Variants in TESC observed in about 807,000 individuals in gnomAD.
TESC encodes the protein tescalcin.
TESC carries 19 observed loss-of-function variants against 31.0 expected under a neutral mutation model. The observed-to-expected ratio is 0.61, with a 90% confidence interval of 0.43 to 0.90. The LOEUF is 0.90. Among genes scored for constraint, TESC ranks in the 40% least tolerant of loss-of-function variants. The pLI is 0.00. For missense variants in TESC, 248 were observed against 303.8 expected (o/e 0.82, Z 1.36); for synonymous variants, 109 against 114.8 (o/e 0.95, Z 0.32).
chr12:117,058,594 G>A (rs1182332067), intron 2 of TESC, among the ~76,000 whole-genome samples: 1 of 148,086 alleles, frequency 6.8e-6, no homozygotes, highest in African/African-American at 2.6e-5. Flanking sequence ...AGCCAGCCAG[G>A]TGTGATGGCA....
At chr12:117,068,170 A>C (rs1327429407) in intron 2 of TESC, among the ~76,000 whole-genome samples, 1 of 151,962 alleles carries the variant, frequency 6.6e-6, no homozygotes, top group Non-Finnish European at 1.5e-5. Context: ...CTCAGATTAC[A>C]CGTGTGAGCT....
Position 117,042,014 on chromosome 12 carries a change from G to A in TESC, c.520-20C>T. 1 of 1,588,250 alleles carries A rather than the reference G, an allele frequency of 6.3e-7. No homozygotes were observed. The highest frequency in any genetic ancestry group is 8.6e-7 in the Non-Finnish European group (1 of 1,166,804). ...AGGCTCCTGGGGACGGAAGCACAGG[G>A]TGGACAGTGAGTGGCGCAGGTCCCC... On this transcript the variant is annotated intron_variant, in intron 6 of 7. Transcript: ENST00000335209.
intron 3 of TESC, among the ~76,000 whole-genome samples, chr12:117,051,501 C>A (rs1385056799): frequency 6.6e-6 from 1 of 152,174 alleles, no homozygotes; most frequent in Non-Finnish European, 1.5e-5. Context: ...AAGCTCCCCA[C>A]CGCTCCTGCC....
At chr12:117,092,378 G>T (rs1367981756) in intron 1 of TESC, among the ~76,000 whole-genome samples, 1 of 152,246 alleles carries the variant, frequency 6.6e-6, no homozygotes, top group Non-Finnish European at 1.5e-5. Flanking sequence ...AAAAATACCA[G>T]CATGGGCTAG....
intron 7 of TESC, among the ~76,000 whole-genome samples, chr12:117,040,500 C>T (rs935901151): frequency 2.2e-4 from 34 of 152,180 alleles, no homozygotes; most frequent in African/African-American, 7.7e-4. Context: ...ATTCATTCTA[C>T]TCAGCCTGAA....
rs551828187 is a variant in TESC, at chr12:117,040,607, C to T, written c.567+1340G>A. On this transcript the variant is annotated intron_variant, in intron 7 of 7. Transcript: ENST00000335209. ...GGCGGGCGTCACCTTCTCTGGTGAC[C>T]GGGTCCCCAGCATAGGCCAGAGTGA... 3.7e-3 allele frequency among the ~76,000 whole-genome samples: 569 copies of T among 152,178 alleles called. 3 individuals carry two copies. The highest frequency in any genetic ancestry group is 6.6e-3 in the Non-Finnish European group (451 of 67,978).
At chr12:117,095,494 G>GA (rs1207901212) in intron 1 of TESC, among the ~76,000 whole-genome samples, 1 of 152,182 alleles carries the variant, frequency 6.6e-6, no homozygotes, top group African/African-American at 2.4e-5. Context: ...CTGAAGGTGA[G>GA]AAAAAATACG....
rs554905005 is a variant in TESC, at chr12:117,081,230, C to T, written c.59-5890G>A. Among the ~76,000 whole-genome samples the T allele has an allele frequency of 2.6e-5, 4 of 152,306 alleles. No individual in the cohort carries two copies. The South Asian group carries it at 8.3e-4, about 32-fold the overall frequency. On this transcript the variant is annotated intron_variant, in intron 1 of 7. Coordinates refer to ENST00000335209, the MANE Select transcript of TESC (RefSeq NM_017899.4). ...GAGATGGGCTGAAGTGGAAACCACA[C>T]ACCAGCCTGCCAAGACTAAGTACAA...
intron 2 of TESC, among the ~76,000 whole-genome samples, chr12:117,064,427 A>G (rs951470156): frequency 2.0e-5 from 3 of 152,110 alleles, no homozygotes; most frequent in South Asian, 4.1e-4. Flanking sequence ...CCACTCCCCC[A>G]GGCAAACACC....
At chr12:117,067,401 CA>C (rs941509882) in intron 2 of TESC, among the ~76,000 whole-genome samples, 1 of 152,060 alleles carries the variant, frequency 6.6e-6, no homozygotes, top group South Asian at 2.1e-4. Context: ...CGCATCTCTA[CA>C]AAAAAATTTT....
chr12:117,086,931 A>G (rs548486700), intron 1 of TESC, among the ~76,000 whole-genome samples: 1 of 152,276 alleles, frequency 6.6e-6, no homozygotes, highest in South Asian at 2.1e-4. Flanking sequence ...CTCACCAGGG[A>G]CGCAGCAACT....
intron 6 of TESC, among the ~76,000 whole-genome samples, chr12:117,045,147 C>A (rs1954539435): frequency 6.6e-6 from 1 of 152,182 alleles, no homozygotes; most frequent in Admixed American, 6.5e-5. Flanking sequence ...TTAGGAGCAC[C>A]CGGAGGACCC....
intron 1 of TESC, 83 bp downstream of exon 1, chr12:117,099,142 G>T: frequency 7.2e-7 from 1 of 1,394,002 alleles, no homozygotes. Flanking sequence ...AGGTCACACA[G>T]CGCGGCGGCG....
chr12:117,057,691 G>A (rs1037790999), intron 2 of TESC, among the ~76,000 whole-genome samples: 2 of 152,162 alleles, frequency 1.3e-5, no homozygotes, highest in African/African-American at 4.8e-5. Flanking sequence ...TTGCTCACCC[G>A]TAAAGCAGAA....
chr12:117,054,834 C>T (rs895231640), intron 3 of TESC, among the ~76,000 whole-genome samples: 17 of 152,326 alleles, frequency 1.1e-4, no homozygotes, highest in Admixed American at 1.0e-3. Flanking sequence ...CGTTTCCCAG[C>T]CATCTTTGCA....
Position 117,042,002 on chromosome 12 carries a change from C to A in TESC, c.520-8G>T. 3 of 1,591,688 alleles carry A rather than the reference C, an allele frequency of 1.9e-6. No individual in the cohort carries two copies. The highest frequency in any genetic ancestry group is 2.6e-6 in the Non-Finnish European group (3 of 1,168,654). ...GTACACCTGATCAGGCTCCTGGGGA[C>A]GGAAGCACAGGGTGGACAGTGAGTG... On this transcript the variant is annotated splice_region_variant and splice_polypyrimidine_tract_variant and intron_variant, in intron 6 of 7. Transcript: ENST00000335209.
intron 2 of TESC, among the ~76,000 whole-genome samples, chr12:117,059,862 G>A (rs776861705): frequency 1.3e-5 from 2 of 152,148 alleles, no homozygotes; most frequent in Non-Finnish European, 2.9e-5. Context: ...AAAGTGCTGG[G>A]ATTACAGGTG....
At chr12:117,068,612 G>A (rs971983646) in intron 2 of TESC, among the ~76,000 whole-genome samples, 2 of 152,162 alleles carry the variant, frequency 1.3e-5, no homozygotes, top group Non-Finnish European at 2.9e-5. Flanking sequence ...CCACTGTCTG[G>A]GCTATCAGAA....
chr12:117,095,581 A>G (rs1300553768), intron 1 of TESC, among the ~76,000 whole-genome samples: 1 of 152,198 alleles, frequency 6.6e-6, no homozygotes, highest in Non-Finnish European at 1.5e-5. Flanking sequence ...GCTGGCAGTA[A>G]GAAAGCAGTC....
Sources: allele counts gnomAD v4.1 joint callset (sites outside exome capture counted in the v4.1 genomes callset), GRCh38; gene constraint gnomAD v4.1.1; transcripts MANE v1.5; gene names NCBI Gene and HGNC (gene_info 2026-07-23, HGNC 2026-07-21).